ZFYVE26: variants seen among roughly 807,000 people sequenced by gnomAD.
The protein encoded by ZFYVE26 is zinc finger FYVE-type containing 26.
In ZFYVE26, 181 loss-of-function variants were observed where a neutral mutation model predicts 276.5. The observed-to-expected ratio is 0.65, with a 90% CI of 0.58 to 0.74. ZFYVE26 has a LOEUF of 0.74. ZFYVE26 is among the 30% of genes least tolerant of loss of function. The pLI is 0.00. For synonymous variants in ZFYVE26, 1,129 were observed against 1,203.1 expected (o/e 0.94, Z 1.27); for missense variants, 2,821 against 3,097.9 (o/e 0.91, Z 2.12).
At chr14:67,735,490 A>G in intron 13 of ZFYVE26, 1 of 570,768 alleles carries the variant, frequency 1.8e-6, no homozygotes, top group South Asian at 2.2e-5. Context: ...ACACCGTTCG[A>G]CCTTCCCATC....
Position 67,804,239 on chromosome 14 carries a change from A to G in ZFYVE26, c.1297T>C (p.Leu433=), listed in dbSNP as rs746330507. ...CTGTCTCCACCGTGTAAATGATACA[A>G]CAGATCTCTCTTTGGTATGGGGTTG... ...SSNPIPKRDL[L]YHLHGGDSHS... Residue 433 remains leucine (L), a synonymous_variant, in exon 9 of 42, where the codon TTG becomes CTG. Coordinates refer to ENST00000347230, the MANE Select transcript of ZFYVE26 (RefSeq NM_015346.4). The G allele has an allele frequency of 5.0e-6, 8 of 1,614,166 alleles. No homozygotes were observed. The Admixed American group carries it at 1.0e-4, about 20-fold the overall frequency.
At chr14:67,735,402 G>A in intron 13 of ZFYVE26, 1 of 662,636 alleles carries the variant, frequency 1.5e-6, no homozygotes, top group Non-Finnish European at 2.8e-6. Context: ...TTCCAGAAAA[G>A]ACTTGCCGCA....
At chr14:67,813,313 A>G (rs1031717556) in intron 3 of ZFYVE26, among the ~76,000 whole-genome samples, 12 of 152,332 alleles carry the variant, frequency 7.9e-5, no homozygotes, top group Middle Eastern at 3.4e-3. Context: ...TCCTTGGGCC[A>G]GTCATTTCTA....
At chr14:67,770,423 C>G (rs1221113931) in intron 28 of ZFYVE26, 1 of 137,662 alleles carries the variant, frequency 7.3e-6, no homozygotes, top group Non-Finnish European at 1.5e-5. Flanking sequence ...GAGATCACAC[C>G]ACTGCACTCT....
intron 13 of ZFYVE26, among the ~76,000 whole-genome samples, chr14:67,737,419 G>T (rs1212086374): frequency 6.6e-6 from 1 of 152,150 alleles, no homozygotes; most frequent in Non-Finnish European, 1.5e-5. Flanking sequence ...TCATAAGGTG[G>T]CAGGAGAGAG....
intron 10 of ZFYVE26, chr14:67,799,429 A>C: frequency 1.2e-6 from 2 of 1,612,616 alleles, no homozygotes; most frequent in Non-Finnish European, 1.7e-6. Flanking sequence ...AAGAAGCAGA[A>C]ACGAGCAGAA....
At chr14:67,790,975 G>C (rs116612049) in intron 14 of ZFYVE26, among the ~76,000 whole-genome samples, 201 of 152,306 alleles carry the variant, frequency 1.3e-3, no homozygotes, top group African/African-American at 4.7e-3. Flanking sequence ...CAAAGCCTCA[G>C]TAGAAAATAG....
At chr14:67,737,199 G>T (rs569880462) in intron 13 of ZFYVE26, among the ~76,000 whole-genome samples, 3 of 150,908 alleles carry the variant, frequency 2.0e-5, no homozygotes, top group Non-Finnish European at 4.4e-5. Context: ...AAAGTGCTGG[G>T]ATTACAAGCA....
chr14:67,752,517 G>T lies in ZFYVE26; in HGVS notation c.7198C>A (p.Leu2400Met). 6.2e-7 allele frequency: 1 copy of T among 1,614,168 alleles called. No homozygotes were observed. Among genetic ancestry groups the T allele is most frequent in the Non-Finnish European group, 8.5e-7 (1 of 1,180,024 alleles). Residue 2400 changes from leucine (L) to methionine (M), a missense_variant, in exon 40 of 42, where the codon CTG becomes ATG. Physicochemically the swap from Leu to Met is conservative, Grantham distance 15. Coordinates refer to ENST00000347230, the MANE Select transcript of ZFYVE26 (RefSeq NM_015346.4). ...CTGCAGTAGGTCATGGCAGCATCCAGCTGGAAGTCCTAGAACAGAACACAA... is the reference window on the plus strand; with the variant it reads ...CTGCAGTAGGTCATGGCAGCATCCATCTGGAAGTCCTAGAACAGAACACAA... ...IAFRVLQDFQ[L>M]DAAMTYCRAA...
intron 28 of ZFYVE26, 142 bp downstream of exon 28, chr14:67,771,905 T>C (rs972825509): frequency 9.6e-6 from 11 of 1,146,066 alleles, no homozygotes; most frequent in African/African-American, 3.1e-5. Context: ...AGGTCAAAAA[T>C]GAACCCAAAG....
Position 67,783,256 on chromosome 14 carries a change from G to T in ZFYVE26, c.3896C>A (p.Ala1299Asp), listed in dbSNP as rs1361151446. 1.2e-6 allele frequency: 2 copies of T among 1,614,056 alleles called. No individual in the cohort carries two copies. Among genetic ancestry groups the T allele is most frequent in the Non-Finnish European group, 1.7e-6 (2 of 1,179,912 alleles). Residue 1299 changes from alanine to aspartate, a missense_variant, in exon 21 of 42, where the codon GCC becomes GAC. Ala to Asp is a moderately radical substitution (Grantham distance 126). Transcript: ENST00000347230. ...AAAGGCCAAGGCAGAGGAGGTGAGG[G>T]CTGGGAGTGATGAGTCCCTTGGGGA... is the stretch of plus-strand genomic sequence containing the variant. ...YSSPRDSSLPALTSSALAFLK... is the reference protein window; with the variant it reads ...YSSPRDSSLPDLTSSALAFLK...
At position 67,809,407 on chromosome 14, in the gene ZFYVE26, TC is replaced by T. The variant is rs149519898; in HGVS notation, c.274-119del. ...CTGCTATTTCTCTAAGATGAAGCAC[TC>T]TTTTTTTTTTTTTTTTTTTTTTTTT... On this transcript the variant is annotated intron_variant, in intron 3 of 41. Coordinates refer to ENST00000347230, the MANE Select transcript of ZFYVE26 (RefSeq NM_015346.4). 15,655 of 94,358 alleles carry T rather than the reference TC, an allele frequency of 0.17. 141 individuals are homozygous for T. Among genetic ancestry groups the T allele is most frequent in the East Asian group, 0.44 (2,295 of 5,240 alleles). 5.8% of individuals were successfully genotyped at this position (94,358 alleles called of 1,614,324 possible).
At chr14:67,769,897 G>T in intron 28 of ZFYVE26, 167 bp from the exon 29 acceptor site, 2 of 922,004 alleles carry the variant, frequency 2.2e-6, no homozygotes, top group Non-Finnish European at 3.3e-6. Flanking sequence ...CTCAAAAATT[G>T]AATGTTTAAA....
At chr14:67,743,050 C>G (rs1379537380), downstream of ZFYVE26, among the ~76,000 whole-genome samples, 1 of 151,378 alleles carries the variant, frequency 6.6e-6, no homozygotes, top group Non-Finnish European at 1.5e-5. Flanking sequence ...GTTGGCCAGG[C>G]TGGTCTCGAA....
At position 67,785,000 on chromosome 14, in the gene ZFYVE26, C is replaced by T; in HGVS notation, c.3523+59G>A. 2.6e-6 allele frequency: 4 copies of T among 1,566,452 alleles called. No individual in the cohort carries two copies. The East Asian group carries it at 6.7e-5, about 26-fold the overall frequency. ...CTTTCAATTGTGCATCTTTTCTCTT[C>T]CTTGCCCTGAACACTTGCAGGTCTG... is the stretch of plus-strand genomic sequence containing the variant. On this transcript the variant is annotated intron_variant, in intron 19 of 41. Coordinates refer to ENST00000347230, the MANE Select transcript of ZFYVE26 (RefSeq NM_015346.4).
intron 27 of ZFYVE26, among the ~76,000 whole-genome samples, chr14:67,773,671 C>T (rs1044752744): frequency 1.3e-5 from 2 of 152,094 alleles, no homozygotes; most frequent in East Asian, 1.9e-4. Flanking sequence ...CCCCTCAGCT[C>T]GGCTGGTTAC....
At chr14:67,750,767 A>G (rs561994639) in intron 41 of ZFYVE26, 1 of 493,688 alleles carries the variant, frequency 2.0e-6, no homozygotes, top group South Asian at 2.1e-5. Flanking sequence ...GCTCTCTGAG[A>G]GAAGACATCA....
chr14:67,814,392 G>A (rs2040359118), intron 2 of ZFYVE26, among the ~76,000 whole-genome samples: 1 of 152,118 alleles, frequency 6.6e-6, no homozygotes, highest in African/African-American at 2.4e-5. Context: ...GGTGGCAGGC[G>A]CCTGTAGTCC....
intron 34 of ZFYVE26, chr14:67,761,811 A>G: frequency 1.7e-6 from 1 of 590,926 alleles, no homozygotes; most frequent in South Asian, 2.0e-5. Context: ...AAAAATGTTC[A>G]TAATTTTTCA....
Sources: allele counts gnomAD v4.1 joint callset (sites outside exome capture counted in the v4.1 genomes callset), GRCh38; gene constraint gnomAD v4.1.1; transcripts MANE v1.5; gene names NCBI Gene and HGNC (gene_info 2026-07-23, HGNC 2026-07-21).